The following MUC6 variants were observed in gnomAD, a reference collection of about 807,000 sequenced individuals.
MUC6 encodes the protein mucin 6, oligomeric mucus/gel-forming (gene/pseudogene).
A neutral mutation model predicts 201.5 loss-of-function variants in MUC6; 188 were observed. That is an observed-to-expected ratio of 0.93 (90% CI 0.83 to 1.05). The LOEUF (loss-of-function observed/expected upper bound fraction) is 1.05. Among genes scored for constraint, MUC6 ranks in the 50% least tolerant of loss-of-function variants. The pLI is 0.00. For missense variants in MUC6, 2,706 were observed against 3,256.9 expected, an observed-to-expected ratio of 0.83 and a Z score of 4.12; for synonymous variants, 1,228 against 1,389.4, an observed-to-expected ratio of 0.88 and a Z score of 2.58.
chr11:1,029,436 G>A, intron 9 of MUC6, 59 bp downstream of exon 9: 1 of 1,603,298 alleles, frequency 6.2e-7, no homozygotes, highest in Non-Finnish European at 8.5e-7. Flanking sequence ...ACCCCTGCCT[G>A]CCCTAGGCCA....
intron 26 of MUC6, 58 bp downstream of exon 26, chr11:1,023,433 TGTGAATGAATGAATGTGC>T (rs1482833533): frequency 5.4e-6 from 8 of 1,481,716 alleles, no homozygotes; most frequent in African/African-American, 1.4e-5. Flanking sequence ...AATGAATGCG[TGTGAATGAATGAATGTGC>T]ATGAATGAGT....
intron 1 of MUC6, among the ~76,000 whole-genome samples, chr11:1,035,138 G>C (rs929703555): frequency 1.3e-5 from 2 of 152,156 alleles, no homozygotes; most frequent in South Asian, 2.1e-4. Context: ...CCTGCAGCCC[G>C]TCTGTCCGAC....
At chr11:1,030,896 G>A (rs924041728) in intron 6 of MUC6, 51 bp downstream of exon 6, 68 of 1,537,398 alleles carry the variant, frequency 4.4e-5, no homozygotes, top group Admixed American at 4.0e-5. Context: ...TGGTGGTCTC[G>A]GCGACCCTGT....
chr11:1,025,441 T>C, intron 22 of MUC6, 74 bp from the exon 23 acceptor site: 3 of 1,530,190 alleles, frequency 2.0e-6, no homozygotes, highest in South Asian at 2.4e-5. Context: ...TGGACCGAGC[T>C]CTCAGAGACA....
rs752699447 is a variant in MUC6 at position 1,033,158 on chromosome 11, G to T, written c.53-83C>A. 4 of 1,375,906 alleles carry T rather than the reference G, an allele frequency of 2.9e-6. No homozygotes were observed. Among genetic ancestry groups the T allele is most frequent in the Non-Finnish European group, 3.1e-6 (3 of 967,350 alleles). The allele number at this position is 1,375,906 out of a possible 1,614,324, so 85.2% of individuals were successfully genotyped here. ...GCTCACCTCTGCTCAGGGCTGCTCC[G>T]CCCGTTTCCCTGCACACACTCGGCG... On this transcript the variant is annotated intron_variant, in intron 1 of 32. Transcript: ENST00000421673. The surrounding 1 kb of genome is among the most constrained non-coding windows in gnomAD (Gnocchi z 5.6).
intron 16 of MUC6, 57 bp from the exon 17 acceptor site, chr11:1,027,574 C>T (rs575431878): frequency 3.1e-6 from 5 of 1,602,450 alleles, no homozygotes; most frequent in East Asian, 2.2e-5. Flanking sequence ...AGGGCAATCT[C>T]GGGTTCCCCT....
At position 1,013,972 on chromosome 11, in the gene MUC6, C is replaced by T. The variant is rs1856542335; in HGVS notation, c.7069G>A (p.Glu2357Lys). 1.9e-6 allele frequency: 3 copies of T among 1,608,796 alleles called. No homozygotes were observed. Among genetic ancestry groups the T allele is most frequent in the African/African-American group, 1.3e-5 (1 of 74,990 alleles). Residue 2357 changes from glutamate (E) to lysine (K), a missense_variant, in exon 32 of 33, where the codon GAG (glutamate) becomes AAG (lysine). Physicochemically the swap from Glu to Lys is moderately conservative, Grantham distance 56. Around this residue, in one of 10 missense-constraint regions of MUC6, gnomAD observed 586 missense variants for 488.0 expected, o/e 1.20. Transcript: ENST00000421673. ...GVCSVREQQE[E>K]ITFKGCMANV... ...GCCATGCACCCCTTGAACGTGATCT[C>T]CTCCTGCTGCTCCCGCACACTGCAG...
rs1440407902 is a variant in MUC6, at chr11:1,018,720, C to G, written c.4081G>C (p.Gly1361Arg). 1 of 1,590,828 alleles carries G rather than the reference C, an allele frequency of 6.3e-7. No individual in the cohort carries two copies. Among genetic ancestry groups the G allele is most frequent in the South Asian group, 1.1e-5 (1 of 87,970 alleles). Reference sequence around the variant, plus strand: ...GTGCTTGCTGGGGTTGGACGTGGGCCTGTCGTCTGGGTGGCCGTTGTTCCT... The same window carrying G: ...GTGCTTGCTGGGGTTGGACGTGGGCGTGTCGTCTGGGTGGCCGTTGTTCCT... ...LPGTTATQTT[G>R]PRPTPASTTG... The change falls in exon 31 of 33, where the codon GGC (glycine) becomes CGC (arginine). Residue 1361 changes from glycine to arginine, a missense_variant. Transcript: ENST00000421673.
At chr11:1,015,673 A>G in intron 31 of MUC6, 89 bp downstream of exon 31, 1 of 1,484,994 alleles carries the variant, frequency 6.7e-7, no homozygotes, top group Admixed American at 2.4e-5. Flanking sequence ...GGATCACAGG[A>G]CCATGAGGGG....
intron 1 of MUC6, 45 bp downstream of exon 1, chr11:1,036,559 C>T: frequency 6.5e-7 from 1 of 1,546,836 alleles, no homozygotes; most frequent in East Asian, 2.4e-5. Flanking sequence ...ACACAGGGCC[C>T]CTCTGAGGGC....
chr11:1,036,594 C>T lies in MUC6; in HGVS notation c.52+10G>A. The T allele has an allele frequency of 4.5e-6, 7 of 1,548,908 alleles. No individual in the cohort carries two copies. The highest frequency in any genetic ancestry group is 6.1e-6 in the Non-Finnish European group (7 of 1,146,378). ...CACCGCAGTGTCTGGCGCCCCTCGA[C>T]CTCACTCACCAGCGCTGAGCAGGGC... On this transcript the variant is annotated intron_variant, in intron 1 of 32. Coordinates refer to ENST00000421673, the MANE Select transcript of MUC6 (RefSeq NM_005961.3).
Position 1,029,023 on chromosome 11 carries a change from G to T in MUC6, c.1380+23C>A, listed in dbSNP as rs930769717. 13 of 1,612,540 alleles carry T rather than the reference G, an allele frequency of 8.1e-6. No individual in the cohort carries two copies. In the African/African-American group the frequency reaches 1.1e-4, roughly 13 times the overall value. On this transcript the variant is annotated intron_variant, in intron 11 of 32. Transcript: ENST00000421673. ...CAGGGAGCGGAGCCCTGCTGGCAGG[G>T]ATGGGCGCAGGAAAGGCCTTACCTG...
rs767718878 is a variant in MUC6, at chr11:1,015,986, C to T, written c.6815G>A (p.Arg2272Gln). 3.4e-5 allele frequency: 54 copies of T among 1,596,982 alleles called. No homozygotes were observed. Among genetic ancestry groups the T allele is most frequent in the Middle Eastern group, 1.7e-4 (1 of 6,008 alleles). The change falls in exon 31 of 33, where the codon CGG (arginine) becomes CAG (glutamine). Residue 2272 changes from arginine to glutamine, a missense_variant. Arg to Gln is a conservative substitution (Grantham distance 43, BLOSUM62 1). Coordinates refer to ENST00000421673, the MANE Select transcript of MUC6 (RefSeq NM_005961.3). The part of the protein sequence containing the change: ...PAFSSQSTTS[R>Q]STSLTTRVPT... ...AACTCGGGTGGTGAGAGAAGTGGAC[C>T]GCGAGGTGGTGGACTGAGAGGAGAA...
chr11:1,016,547 G>T lies in MUC6; in HGVS notation c.6254C>A (p.Ser2085Tyr). ...CCAAGACGAGGAGGATATGAAGGAA[G>T]AAGAGGCTGTAGCTGTGCTGAATGA... ...HSSFSTATAS[S>Y]SFISSSSWLP... The change falls in exon 31 of 33, where the codon TCT becomes TAT. Residue 2085 changes from serine (S) to tyrosine (Y), a missense_variant. This residue lies in a region of MUC6 where 586 missense variants were observed against 488.0 expected (regional missense o/e 1.20). Coordinates refer to ENST00000421673, the MANE Select transcript of MUC6 (RefSeq NM_005961.3). 1 of 1,613,388 alleles carries T rather than the reference G, an allele frequency of 6.2e-7. No individual in the cohort carries two copies. The highest frequency in any genetic ancestry group is 8.5e-7 in the Non-Finnish European group (1 of 1,179,408).
intron 28 of MUC6, 133 bp downstream of exon 28, chr11:1,020,551 A>G: frequency 1.5e-6 from 2 of 1,343,014 alleles, no homozygotes. Flanking sequence ...TCTGATTGCC[A>G]GGTTAGACCT....
chr11:1,023,232 G>A (rs796308278), intron 26 of MUC6, among the ~76,000 whole-genome samples: 5 of 151,910 alleles, frequency 3.3e-5, no homozygotes, highest in Middle Eastern at 3.4e-3. Context: ...TAGTGACTGC[G>A]TGAATGAATG....
At chr11:1,015,039 G>A (rs899472589) in intron 31 of MUC6, among the ~76,000 whole-genome samples, 1 of 152,246 alleles carries the variant, frequency 6.6e-6, no homozygotes, top group East Asian at 1.9e-4. Flanking sequence ...GGAGGTCGAT[G>A]CATGCGAGGG....
At chr11:1,030,882 C>A in intron 6 of MUC6, 65 bp downstream of exon 6, 1 of 1,530,500 alleles carries the variant, frequency 6.5e-7, no homozygotes, top group Non-Finnish European at 8.8e-7. Context: ...CTTGTGGGGG[C>A]CCTTGGTGGT....
At chr11:1,032,107 C>T in intron 2 of MUC6, 54 bp from the exon 3 acceptor site, 2 of 1,593,028 alleles carry the variant, frequency 1.3e-6, no homozygotes, top group Non-Finnish European at 1.7e-6. Context: ...CCTGGCCAGG[C>T]AGGGCTGGGG....
Sources: gnomAD v4.1 joint callset for allele counts (sites outside exome capture counted in the v4.1 genomes callset) on GRCh38, gnomAD v4.1.1 for gene constraint, gnomAD v4.1.1 regional missense constraint, Gnocchi (gnomAD v3.1) non-coding constraint, MANE v1.5 for transcripts, NCBI Gene and HGNC (gene_info 2026-07-23, HGNC 2026-07-21) for gene names.